The following FAM185A variants were observed in gnomAD, a reference collection of about 807,000 sequenced individuals.
FAM185A encodes family with sequence similarity 185 member A.
FAM185A carries 21 observed loss-of-function variants against 45.7 expected under a neutral mutation model. That is an observed-to-expected ratio of 0.46 (90% CI 0.33 to 0.66). FAM185A has a LOEUF of 0.66. Among genes scored for constraint, FAM185A ranks in the 30% least tolerant of loss-of-function variants. The pLI, the probability that FAM185A is intolerant of heterozygous loss-of-function variation, is 0.03. For synonymous variants in FAM185A, 117 were observed against 194.0 expected, an observed-to-expected ratio of 0.60 and a Z score of 3.30; for missense variants, 305 against 485.4, an observed-to-expected ratio of 0.63 and a Z score of 3.49.
intron 7 of FAM185A, among the ~76,000 whole-genome samples, chr7:102,791,481 C>T (rs1405283206): frequency 1.3e-5 from 2 of 152,154 alleles, no homozygotes; most frequent in Admixed American, 6.5e-5. Context: ...TATTATGAAG[C>T]GCCTTAGCCT....
chr7:102,772,987 A>G (rs549508381), intron 5 of FAM185A, among the ~76,000 whole-genome samples: 27 of 152,084 alleles, frequency 1.8e-4, no homozygotes, highest in African/African-American at 6.3e-4. Context: ...ATAAATAACA[A>G]AAGGTAATTT....
At chr7:102,816,757 G>A in the FAM185A span, among the ~76,000 whole-genome samples, 3 of 152,058 alleles carry the variant, frequency 2.0e-5, no homozygotes, top group East Asian at 1.9e-4. Context: ...GTTAACCCTC[G>A]CCATCCTCCC....
chr7:102,754,807 C>T (rs1417784097), intron 2 of FAM185A, among the ~76,000 whole-genome samples: 4 of 152,254 alleles, frequency 2.6e-5, no homozygotes, highest in Non-Finnish European at 5.9e-5. Flanking sequence ...AGGCAACAGA[C>T]CCTTAACTAA....
At chr7:102,826,725 A>ATG in the FAM185A span, among the ~76,000 whole-genome samples, 1 of 5,026 alleles carries the variant, frequency 2.0e-4, no homozygotes, top group South Asian at 0.014. Context: ...ACCCTGTCTC[A>ATG]TATATATATA....
intron 7 of FAM185A, among the ~76,000 whole-genome samples, chr7:102,799,689 G>A (rs1372117645): frequency 3.3e-5 from 5 of 152,224 alleles, no homozygotes; most frequent in East Asian, 1.9e-4. Context: ...ATAAGACTAC[G>A]TATCTATACC....
At chr7:102,833,362 C>T in the FAM185A span, among the ~76,000 whole-genome samples, 3 of 151,724 alleles carry the variant, frequency 2.0e-5, no homozygotes, top group Admixed American at 1.3e-4. Flanking sequence ...CAGACAGACC[C>T]GAGTTTTGCT....
the FAM185A span, among the ~76,000 whole-genome samples, chr7:102,843,086 T>A: frequency 2.6e-5 from 4 of 152,156 alleles, no homozygotes; most frequent in Non-Finnish European, 4.4e-5. Context: ...AAATCGAAAG[T>A]TTATAATCTA....
chr7:102,822,200 T>C, the FAM185A span: 12 of 1,613,880 alleles, frequency 7.4e-6, no homozygotes, highest in Non-Finnish European at 1.0e-5. Flanking sequence ...GCTGAGTCAG[T>C]AATCTGAACA....
chr7:102,756,121 A>ATT (rs571255534), intron 2 of FAM185A, among the ~76,000 whole-genome samples: 9 of 150,640 alleles, frequency 6.0e-5, no homozygotes, highest in African/African-American at 2.2e-4. Context: ...TATAGTACAG[A>ATT]TTTTTTTTCT....
intron 3 of FAM185A, among the ~76,000 whole-genome samples, chr7:102,759,460 G>A (rs1038162314): frequency 6.6e-6 from 1 of 151,694 alleles, no homozygotes; most frequent in African/African-American, 2.4e-5. Context: ...ATATAGTATT[G>A]ATTTTTAATG....
At chr7:102,842,255 C>T in the FAM185A span, among the ~76,000 whole-genome samples, 3 of 152,196 alleles carry the variant, frequency 2.0e-5, no homozygotes, top group African/African-American at 7.2e-5. Context: ...GAACCATAAA[C>T]ACAACTTGTA....
At chr7:102,839,416 A>G in the FAM185A span, among the ~76,000 whole-genome samples, 696 of 152,236 alleles carry the variant, frequency 4.6e-3, 7 homozygotes, top group African/African-American at 0.016. Context: ...TTCTTTCTCT[A>G]TACTTTGTCT....
intron 7 of FAM185A, among the ~76,000 whole-genome samples, chr7:102,788,818 G>GTT: frequency 6.6e-6 from 1 of 152,200 alleles, no homozygotes; most frequent in Non-Finnish European, 1.5e-5. Flanking sequence ...ACCCTGTACA[G>GTT]CAGGCTACTG....
chr7:102,844,842 C>T, the FAM185A span, among the ~76,000 whole-genome samples: 2 of 152,290 alleles, frequency 1.3e-5, no homozygotes, highest in East Asian at 3.9e-4. Flanking sequence ...TTAGTGTTCC[C>T]ATAACTACCT....
intron 7 of FAM185A, among the ~76,000 whole-genome samples, chr7:102,794,407 A>G (rs182208812): frequency 2.0e-5 from 3 of 152,356 alleles, no homozygotes; most frequent in Admixed American, 2.0e-4. Context: ...ACACAAAAAG[A>G]TATTTACCAT....
chr7:102,801,327 A>G (rs979114125), intron 7 of FAM185A, among the ~76,000 whole-genome samples: 3 of 152,222 alleles, frequency 2.0e-5, no homozygotes, highest in African/African-American at 7.2e-5. Context: ...TTTAAAAAAA[A>G]AACAAAAAAA....
intron 6 of FAM185A, among the ~76,000 whole-genome samples, chr7:102,782,133 A>G (rs556470595): frequency 6.6e-6 from 1 of 152,340 alleles, no homozygotes; most frequent in Non-Finnish European, 1.5e-5. Flanking sequence ...AAAACCTCCA[A>G]GAAATATGGG....
the FAM185A span, among the ~76,000 whole-genome samples, chr7:102,827,758 T>C: frequency 6.6e-6 from 1 of 152,100 alleles, no homozygotes; most frequent in African/African-American, 2.4e-5. Flanking sequence ...TTCCCACCTA[T>C]GAGTGAGAAC....
chr7:102,784,652 T>C (rs989803947), intron 6 of FAM185A, among the ~76,000 whole-genome samples: 1 of 152,146 alleles, frequency 6.6e-6, no homozygotes, highest in African/African-American at 2.4e-5. Flanking sequence ...CTAAAAACTC[T>C]CAATAAATTA....
Sources: gnomAD v4.1 joint callset for allele counts (sites outside exome capture counted in the v4.1 genomes callset) on GRCh38, gnomAD v4.1.1 for gene constraint, MANE v1.5 for transcripts, NCBI Gene and HGNC (gene_info 2026-07-23, HGNC 2026-07-21) for gene names.